POLR1A: variants seen among roughly 807,000 people sequenced by gnomAD.
The protein encoded by POLR1A is RNA polymerase I subunit A.
A neutral mutation model predicts 205.3 loss-of-function variants in POLR1A; 84 were observed. The observed-to-expected ratio is 0.41, with a 90% CI of 0.34 to 0.49. POLR1A has a LOEUF of 0.49. POLR1A is among the 20% of genes least tolerant of loss of function. The probability of loss-of-function intolerance (pLI) is 0.22; values close to 1 mark genes in which losing one functional copy is unlikely to be tolerated. For synonymous variants in POLR1A, 799 were observed against 863.7 expected, an observed-to-expected ratio of 0.93 and a Z score of 1.31; for missense variants, 1,645 against 2,204.5, an observed-to-expected ratio of 0.75 and a Z score of 5.08.
chr2:86,079,458 C>T (rs1673356481), intron 9 of POLR1A, among the ~76,000 whole-genome samples: 1 of 152,178 alleles, frequency 6.6e-6, no homozygotes, highest in Admixed American at 6.5e-5. Flanking sequence ...AAAAACACAT[C>T]CTGTCAATCA....
At chr2:86,056,163 AAGTTCCGGCCAGGT>A (rs1672893200) in intron 14 of POLR1A, among the ~76,000 whole-genome samples, 1 of 152,098 alleles carries the variant, frequency 6.6e-6, no homozygotes, top group Non-Finnish European at 1.5e-5. Flanking sequence ...AATTAAGAAA[AAGTTCCGGCCAGGT>A]GTGGTGGCTC....
rs1192172005 is a variant in POLR1A at position 86,083,167 on chromosome 2, T to C, written c.732A>G (p.Gly244=). Residue 244 remains glycine (G), a splice_region_variant and synonymous_variant, in exon 7 of 34, where the codon GGA becomes GGG. Transcript: ENST00000263857. The stretch of plus-strand genomic sequence containing the variant: ...GTTTTCCTATCTGAGCTTCCTCAAT[T>C]CCTGGAGCCAAGGAGGAGAATCAAA... ...TAGQKDSEPL[G]IEEAQIGKRG... The C allele has an allele frequency of 1.2e-5, 20 of 1,611,314 alleles. No homozygotes were observed. Among genetic ancestry groups the C allele is most frequent in the African/African-American group, 2.7e-5 (2 of 74,842 alleles).
chr2:86,071,533 T>C (rs968347962), intron 12 of POLR1A, among the ~76,000 whole-genome samples: 4 of 152,222 alleles, frequency 2.6e-5, no homozygotes, highest in Non-Finnish European at 4.4e-5. Context: ...GGTCTTCACT[T>C]ATTTTTAAAG....
rs1672621490 is a variant in POLR1A at position 86,042,086 on chromosome 2, A to G, written c.3375T>C (p.Tyr1125=). ...TCCTTCGGCTTTCCTCATCCAACTC[A>G]TACCACATCCTCAGCATCTGAACAG... The part of the protein sequence containing the change: ...PGTQEMLRMW[Y]ELDEESRRKY... The change falls in exon 24 of 34, where the codon TAT becomes TAC. Residue 1125 remains tyrosine (Y), a synonymous_variant. Transcript: ENST00000263857. 6.2e-7 allele frequency: 1 copy of G among 1,612,278 alleles called. No homozygotes were observed. The highest frequency in any genetic ancestry group is 1.1e-5 in the South Asian group (1 of 91,012).
rs569083335 is a variant in POLR1A, at chr2:86,096,380, C to T, written c.432+2231G>A. On this transcript the variant is annotated intron_variant, in intron 3 of 33. Coordinates refer to ENST00000263857, the MANE Select transcript of POLR1A (RefSeq NM_015425.6). ...GCAATTTACAGATTCAGTACAATCC[C>T]TATCAAAATACCAATGACATTCTTT... Among the ~76,000 whole-genome samples, 10 of 152,038 alleles carry T rather than the reference C, an allele frequency of 6.6e-5. 1 individual carries two copies. The South Asian group carries it at 2.1e-3, about 32-fold the overall frequency.
Position 86,021,569 on chromosome 2 carries a change from C to T in POLR1A, c.*5854G>A, listed in dbSNP as rs1475750164. ...TGCAGCCAGCTGGGCAAGGCATGGT[C>T]CTATAGGGGACAGTGTGCATGTGCA... On this transcript the variant is annotated 3_prime_UTR_variant, in exon 34 of 34. Transcript: ENST00000263857. 1 of 152,590 alleles carries T rather than the reference C, an allele frequency of 6.6e-6. No individual in the cohort carries two copies. Among genetic ancestry groups the T allele is most frequent in the African/African-American group, 2.4e-5 (1 of 41,464 alleles). 9.5% of individuals were successfully genotyped at this position (152,590 alleles called of 1,614,324 possible).
rs1326312139 is a variant in POLR1A, at chr2:86,039,459, C to T, written c.3744G>A (p.Leu1248=). 2.5e-6 allele frequency: 4 copies of T among 1,614,054 alleles called. No individual in the cohort carries two copies. Among genetic ancestry groups the T allele is most frequent in the African/African-American group, 2.7e-5 (2 of 74,924 alleles). The change falls in exon 26 of 34, where the codon TTG becomes TTA. Residue 1248 remains leucine (L), a synonymous_variant. Coordinates refer to ENST00000263857, the MANE Select transcript of POLR1A (RefSeq NM_015425.6). ...EMNVTLGIPR[L]REILMVASAN... is the part of the protein sequence containing the mutation. ...CGCTGGCCACCATGAGAATCTCCCG[C>T]AACCTGTCACAGAATAAGGGCACAT...
chr2:86,049,721 G>A (rs928945134), intron 16 of POLR1A, among the ~76,000 whole-genome samples: 1 of 152,146 alleles, frequency 6.6e-6, no homozygotes, highest in Non-Finnish European at 1.5e-5. Flanking sequence ...GTATACCTGT[G>A]TAGGCACACA....
chr2:86,048,690 C>T (rs997210980), intron 18 of POLR1A, among the ~76,000 whole-genome samples, 194 bp downstream of exon 18: 5 of 152,220 alleles, frequency 3.3e-5, no homozygotes, highest in Non-Finnish European at 7.3e-5. Context: ...CCTGTATAGA[C>T]CCTAACTGGG....
Position 86,026,622 on chromosome 2 carries a change from G to A in POLR1A, c.*801C>T, listed in dbSNP as rs182636267. 3.3e-5 allele frequency: 5 copies of A among 152,506 alleles called. No individual in the cohort carries two copies. Among genetic ancestry groups the A allele is most frequent in the Admixed American group, 3.3e-4 (5 of 15,314 alleles). The allele number at this position is 152,506 out of a possible 1,614,324, so 9.4% of individuals were successfully genotyped here. ...GTGGGGTGTATGGGGCAGAACATAGGCCTCCACACCAAACTGACAGCAGAG... is the reference window on the plus strand; with the variant it reads ...GTGGGGTGTATGGGGCAGAACATAGACCTCCACACCAAACTGACAGCAGAG... On this transcript the variant is annotated 3_prime_UTR_variant, in exon 34 of 34. Transcript: ENST00000263857.
In POLR1A at chr2:86,100,112, C is replaced by T. The variant is rs372225056; in HGVS notation, c.138G>A (p.Ser46=). 1.9e-5 allele frequency: 30 copies of T among 1,614,000 alleles called. No individual in the cohort carries two copies. The highest frequency in any genetic ancestry group is 1.6e-4 in the Middle Eastern group (1 of 6,084). The change falls in exon 2 of 34, where the codon TCG becomes TCA. Residue 46 remains serine (S), a synonymous_variant. Coordinates refer to ENST00000263857, the MANE Select transcript of POLR1A (RefSeq NM_015425.6). ...AAGCTAAATCGTACAGGCCGTTTGC[C>T]GATGGGTTCCCCAGGCTGTCCAGGT... ...PRYLDSLGNP[S]ANGLYDLALG... is the part of the protein sequence containing the mutation.
In POLR1A at chr2:86,028,091, C is replaced by T; in HGVS notation, c.4898-42G>A. The T allele has an allele frequency of 1.9e-6, 3 of 1,601,816 alleles. No individual in the cohort carries two copies. Among genetic ancestry groups the T allele is most frequent in the Non-Finnish European group, 2.6e-6 (3 of 1,169,424 alleles). ...AAAATTAGGAGGGATTAAGCAGTGA[C>T]CACGGGAGCAGTCAGCAGACACAAG... is the stretch of plus-strand genomic sequence containing the variant. On this transcript the variant is annotated intron_variant, in intron 32 of 33. Coordinates refer to ENST00000263857, the MANE Select transcript of POLR1A (RefSeq NM_015425.6). This position sits in a 1 kb window ranked among gnomAD's most constrained non-coding sequence, Gnocchi z 4.5.
rs565851572 is a variant in POLR1A at position 86,048,732 on chromosome 2, A to G, written c.2634+152T>C. ...AACAAAGCCCTGGGCCCTTCAAAAC[A>G]ACGAGTTCTACCCATCCCACCTCGC... On this transcript the variant is annotated intron_variant, in intron 18 of 33. Coordinates refer to ENST00000263857, the MANE Select transcript of POLR1A (RefSeq NM_015425.6). 312 of 676,650 alleles carry G rather than the reference A, an allele frequency of 4.6e-4. 1 individual carries two copies. Among genetic ancestry groups the G allele is most frequent in the Non-Finnish European group, 6.7e-4 (267 of 396,864 alleles). The allele number at this position is 676,650 out of a possible 1,614,324, so 41.9% of individuals were successfully genotyped here.
At chr2:86,058,140 G>A (rs1395121168) in intron 14 of POLR1A, among the ~76,000 whole-genome samples, 1 of 152,068 alleles carries the variant, frequency 6.6e-6, no homozygotes, top group Non-Finnish European at 1.5e-5. Context: ...TCGCTCTGTC[G>A]CCCAGGCTGG....
At position 86,088,642 on chromosome 2, in the gene POLR1A, T is replaced by C; in HGVS notation, c.654A>G (p.Glu218=). ...ACGTGATAGTCAACTTGCTGTTGTGTTCCTTTCGGACAACGGATCGCCCGG... is the reference window on the plus strand; with the variant it reads ...ACGTGATAGTCAACTTGCTGTTGTGCTCCTTTCGGACAACGGATCGCCCGG... ...CKTGRSVVRK[E]HNSKLTITFP... Residue 218 remains glutamate, a synonymous_variant, in exon 6 of 34, where the codon GAA becomes GAG. Transcript: ENST00000263857. 6.2e-7 allele frequency: 1 copy of C among 1,614,056 alleles called. No individual in the cohort carries two copies. Among genetic ancestry groups the C allele is most frequent in the East Asian group, 2.2e-5 (1 of 44,888 alleles).
chr2:86,062,757 C>CT lies in POLR1A; in HGVS notation c.2058+2516dup, dbSNP rs200126098. ...AAAATAAAGTCAATAAAACCAAAGA[C>CT]TTTTTTTTGAGAATAAAACTGATAA... On this transcript the variant is annotated intron_variant, in intron 14 of 33. Transcript: ENST00000263857. Among the ~76,000 whole-genome samples the CT allele has an allele frequency of 4.9e-3, 748 of 151,764 alleles. 5 individuals are homozygous for CT. The highest frequency in any genetic ancestry group is 0.012 in the African/African-American group (478 of 41,420).
intron 14 of POLR1A, among the ~76,000 whole-genome samples, chr2:86,059,786 A>C (rs1672964142): frequency 6.6e-6 from 1 of 152,126 alleles, no homozygotes; most frequent in East Asian, 1.9e-4. Flanking sequence ...GGCTGGTGTC[A>C]AACTTCTAGC....
At chr2:86,049,569 C>T (rs1672765060) in intron 16 of POLR1A, among the ~76,000 whole-genome samples, 1 of 152,168 alleles carries the variant, frequency 6.6e-6, no homozygotes, top group Admixed American at 6.5e-5. Context: ...ATCTCCACTC[C>T]ATAGACATGT....
intron 16 of POLR1A, among the ~76,000 whole-genome samples, chr2:86,050,790 T>C (rs1466296455): frequency 1.3e-5 from 2 of 152,220 alleles, no homozygotes; most frequent in African/African-American, 2.4e-5. Context: ...AACTGAAATA[T>C]ACATTTCATG....
Sources: allele counts gnomAD v4.1 joint callset (sites outside exome capture counted in the v4.1 genomes callset), GRCh38; gene constraint gnomAD v4.1.1; non-coding constraint Gnocchi (gnomAD v3.1); transcripts MANE v1.5; gene names NCBI Gene and HGNC (gene_info 2026-07-23, HGNC 2026-07-21).